Variants in PNOC observed in about 807,000 individuals in gnomAD.
The protein encoded by PNOC is prepronociceptin.
Under a neutral mutation model 15.6 loss-of-function variants are expected in PNOC, and 10 were observed. That is an observed-to-expected ratio of 0.64 (90% CI 0.40 to 1.09). The LOEUF (loss-of-function observed/expected upper bound fraction) is 1.09, where lower values mean the gene tolerates loss of function less well. Among genes scored for constraint, PNOC ranks in the 50% least tolerant of loss-of-function variants. The probability of loss-of-function intolerance (pLI) is 0.01; values close to 1 mark genes in which losing one functional copy is unlikely to be tolerated. For missense variants in PNOC, 220 were observed against 223.9 expected (o/e 0.98, Z 0.11); for synonymous variants, 98 against 88.5 (o/e 1.11, Z -0.60).
intron 1 of PNOC, among the ~76,000 whole-genome samples, chr8:28,325,964 G>A (rs1376301809): frequency 6.6e-6 from 1 of 152,190 alleles, no homozygotes; most frequent in Non-Finnish European, 1.5e-5. Context: ...CCTGGTCCTT[G>A]GGATAGAGAA....
At chr8:28,325,687 G>GAAAAAAAAAAAAAAAAAAAAAAAA (rs1801214775) in intron 1 of PNOC, among the ~76,000 whole-genome samples, 1 of 67,856 alleles carries the variant, frequency 1.5e-5, no homozygotes, top group Non-Finnish European at 5.1e-5. Context: ...AAAAAAAAAA[G>GAAAAAAAAAAAAAAAAAAAAAAAA]AAAGACATTA....
At chr8:28,335,613 C>T (rs1055591088) in intron 2 of PNOC, among the ~76,000 whole-genome samples, 4 of 152,178 alleles carry the variant, frequency 2.6e-5, no homozygotes, top group Non-Finnish European at 4.4e-5. Context: ...CCACAACCTC[C>T]GCCTCCCAGG....
chr8:28,318,333 C>T (rs1239589676), intron 1 of PNOC, among the ~76,000 whole-genome samples: 2 of 152,158 alleles, frequency 1.3e-5, no homozygotes, highest in African/African-American at 4.8e-5. Context: ...CCCCATCCTG[C>T]GCTTAAACAT....
chr8:28,338,498 A>T, intron 2 of PNOC: 1 of 661,084 alleles, frequency 1.5e-6, no homozygotes, highest in Non-Finnish European at 1.9e-6. Flanking sequence ...TGATACACAG[A>T]TAGTGACGAC....
chr8:28,320,151 A>C (rs1801126683), intron 1 of PNOC, among the ~76,000 whole-genome samples: 2 of 122,832 alleles, frequency 1.6e-5, no homozygotes, highest in South Asian at 5.3e-4. Flanking sequence ...TCAACATTGC[A>C]GAAGCACAAA....
In PNOC at chr8:28,339,122, G is replaced by A; in HGVS notation, c.209G>A (p.Trp70Ter). The change falls in exon 3 of 4, where the codon TGG (tryptophan) becomes TAG (stop). Residue 70 changes from tryptophan to a stop codon, truncating the protein, a stop_gained. Coordinates refer to ENST00000301908, the MANE Select transcript of PNOC (RefSeq NM_006228.5). LOFTEE classifies it high-confidence loss of function. ...PCTKVMARSSWQLSPAAPEHV... is the reference protein window; with the variant it reads ...PCTKVMARSS ...ACCAAGGTCATGGCCAGGAGCTCTTGGCAGCTCAGCCCTGCCGCCCCAGAG... is the reference window on the plus strand; with the variant it reads ...ACCAAGGTCATGGCCAGGAGCTCTTAGCAGCTCAGCCCTGCCGCCCCAGAG... 6.2e-7 allele frequency: 1 copy of A among 1,612,164 alleles called. No homozygotes were observed. The highest frequency in any genetic ancestry group is 8.5e-7 in the Non-Finnish European group (1 of 1,178,350).
At chr8:28,339,003 T>C (rs1244332117) in intron 2 of PNOC, 37 bp from the exon 3 acceptor site, 1 of 1,522,756 alleles carries the variant, frequency 6.6e-7, no homozygotes, top group Admixed American at 2.0e-5. Flanking sequence ...CAGAGGTCCT[T>C]GTTCCTTCTC....
chr8:28,323,642 A>T (rs1358874819), intron 1 of PNOC, among the ~76,000 whole-genome samples: 1 of 152,232 alleles, frequency 6.6e-6, no homozygotes, highest in African/African-American at 2.4e-5. Flanking sequence ...GTAAGGTTTA[A>T]ACACAAATAC....
At chr8:28,317,533 T>A (rs1028983588) in intron 1 of PNOC, among the ~76,000 whole-genome samples, 1 of 152,096 alleles carries the variant, frequency 6.6e-6, no homozygotes, top group African/African-American at 2.4e-5. Context: ...TTTTTTAACC[T>A]CAGACAGACG....
chr8:28,329,008 C>A lies in PNOC; in HGVS notation c.-23-127C>A, dbSNP rs147315644. 3.0e-4 allele frequency: 271 copies of A among 903,148 alleles called. 2 individuals are homozygous for A. In the African/African-American group the frequency reaches 3.8e-3, roughly 13 times the overall value. The allele number at this position is 903,148 out of a possible 1,614,324, so 55.9% of individuals were successfully genotyped here. A position where few individuals can be genotyped will look rare whatever the true frequency, so the allele number is the denominator to read the frequency against. ...ACACCCCTGCAAAGTGAATCACAGG[C>A]CCCTAGTGCCATCCTGCCAGAGACA... On this transcript the variant is annotated intron_variant, in intron 1 of 3. Coordinates refer to ENST00000301908, the MANE Select transcript of PNOC (RefSeq NM_006228.5).
chr8:28,327,702 G>C (rs1801248402), intron 1 of PNOC, among the ~76,000 whole-genome samples: 1 of 151,950 alleles, frequency 6.6e-6, no homozygotes, highest in African/African-American at 2.4e-5. Flanking sequence ...TTTTAGTAGA[G>C]ATGGGGTTTC....
At chr8:28,317,069 G>A (rs950927841), upstream of PNOC, 2 of 152,434 alleles carry the variant, frequency 1.3e-5, no homozygotes, top group Admixed American at 6.5e-5. Flanking sequence ...GCAGGCTTGA[G>A]AATGGATTGA....
At chr8:28,342,411 A>C (rs1315336593) in intron 3 of PNOC, among the ~76,000 whole-genome samples, 1 of 151,426 alleles carries the variant, frequency 6.6e-6, no homozygotes, top group Non-Finnish European at 1.5e-5. Context: ...ATGTCCTAGG[A>C]AGGAAAGGTG....
upstream of PNOC, chr8:28,317,097 C>G (rs567831289): frequency 6.6e-6 from 1 of 152,606 alleles, no homozygotes; most frequent in Admixed American, 6.5e-5. Flanking sequence ...GTGGGGATGT[C>G]ACAGGTCTGA....
At chr8:28,324,961 T>A (rs1381989386) in intron 1 of PNOC, among the ~76,000 whole-genome samples, 2 of 152,248 alleles carry the variant, frequency 1.3e-5, no homozygotes. Context: ...TCTATTTTAA[T>A]TGCTTACAAA....
intron 3 of PNOC, 81 bp from the exon 4 acceptor site, chr8:28,342,861 T>C: frequency 4.1e-6 from 2 of 488,948 alleles, no homozygotes; most frequent in Non-Finnish European, 5.3e-6. Flanking sequence ...TCCCTTTCAC[T>C]GCTTCCGTCT....
At chr8:28,337,631 C>G (rs1435809704) in intron 2 of PNOC, among the ~76,000 whole-genome samples, 2 of 140,826 alleles carry the variant, frequency 1.4e-5, no homozygotes, top group Non-Finnish European at 1.5e-5. Context: ...CGCCCAGCGT[C>G]AAGTGCAGTG....
At chr8:28,330,508 C>G (rs1210199546) in intron 2 of PNOC, among the ~76,000 whole-genome samples, 2 of 147,394 alleles carry the variant, frequency 1.4e-5, no homozygotes, top group Non-Finnish European at 3.0e-5. Flanking sequence ...CATTCTCCTG[C>G]CTCAGCCTCC....
At chr8:28,330,753 A>G (rs1182740186) in intron 2 of PNOC, among the ~76,000 whole-genome samples, 1 of 151,842 alleles carries the variant, frequency 6.6e-6, no homozygotes, top group Non-Finnish European at 1.5e-5. Flanking sequence ...ACCCCTTAGT[A>G]CCAAAATGCT....
Sources: allele counts gnomAD v4.1 joint callset (sites outside exome capture counted in the v4.1 genomes callset), GRCh38; gene constraint gnomAD v4.1.1; transcripts MANE v1.5; gene names NCBI Gene and HGNC (gene_info 2026-07-23, HGNC 2026-07-21).